The following PCDHGA2 variants were observed in gnomAD, a reference collection of about 807,000 sequenced individuals.
PCDHGA2 encodes protocadherin gamma-A2.
In PCDHGA2, 40 loss-of-function variants were observed where a neutral mutation model predicts 59.2. The observed-to-expected ratio is 0.68, with a 90% confidence interval of 0.52 to 0.88. The LOEUF is 0.88. Among genes scored for constraint, PCDHGA2 ranks in the 40% least tolerant of loss-of-function variants. The probability of loss-of-function intolerance (pLI) is 0.00; values close to 1 mark genes in which losing one functional copy is unlikely to be tolerated. For synonymous variants in PCDHGA2, 560 were observed against 526.0 expected (o/e 1.06, Z -0.89); for missense variants, 1,226 against 1,204.0 (o/e 1.02, Z -0.27).
rs1483845993 is a variant in PCDHGA2, at chr5:141,372,004, A to G, written c.2424+30609A>G. On this transcript the variant is annotated intron_variant, in intron 1 of 3. Transcript: ENST00000394576. ...GAGCTCACTCTGCAGGCCCGCGACC[A>G]GGGCTCGCCTACGCTCAGCGCCAAC... 5.0e-6 allele frequency: 8 copies of G among 1,613,122 alleles called. No homozygotes were observed. The highest frequency in any genetic ancestry group is 6.8e-6 in the Non-Finnish European group (8 of 1,179,734).
intron 1 of PCDHGA2, chr5:141,398,001 A>T: frequency 5.0e-6 from 7 of 1,388,802 alleles, no homozygotes; most frequent in African/African-American, 4.4e-5. Flanking sequence ...CCTCCTCGGA[A>T]AAAGAATCGT....
In PCDHGA2 at chr5:141,454,484, G is replaced by A. The variant is rs555881095; in HGVS notation, c.2425-40323G>A. On this transcript the variant is annotated intron_variant, in intron 1 of 3. Transcript: ENST00000394576. The stretch of plus-strand genomic sequence containing the variant: ...TGCAATGGCATGATCTCAGCTCACC[G>A]CAACCTCCACCTCCTGGATTCAGGC... Among the ~76,000 whole-genome samples, 7 of 152,218 alleles carry A rather than the reference G, an allele frequency of 4.6e-5. No individual in the cohort carries two copies. In the East Asian group the frequency reaches 7.7e-4, roughly 17 times the overall value.
In PCDHGA2 at chr5:141,477,176, G is replaced by C. The variant is rs766547728; in HGVS notation, c.2425-17631G>C. On this transcript the variant is annotated intron_variant, in intron 1 of 3. Coordinates refer to ENST00000394576, the MANE Select transcript of PCDHGA2 (RefSeq NM_018915.4). This position sits in a 1 kb window ranked among gnomAD's most constrained non-coding sequence, Gnocchi z 4.9. ...GAATGACAACGCCCCGGAGATCACAGTCACCTCCGTGTACAGCCCAGTACC... is the reference window on the plus strand; with the variant it reads ...GAATGACAACGCCCCGGAGATCACACTCACCTCCGTGTACAGCCCAGTACC... The C allele has an allele frequency of 1.2e-6, 2 of 1,614,206 alleles. No individual in the cohort carries two copies. The highest frequency in any genetic ancestry group is 3.3e-5 in the Admixed American group (2 of 60,024).
chr5:141,344,733 G>C, intron 1 of PCDHGA2: 1 of 1,613,978 alleles, frequency 6.2e-7, no homozygotes. Context: ...GATAGTCCTG[G>C]ATGCAAATGA....
intron 1 of PCDHGA2, chr5:141,344,814 C>T: frequency 6.2e-7 from 1 of 1,613,958 alleles, no homozygotes; most frequent in East Asian, 2.2e-5. Context: ...GGGTACCCGG[C>T]TGCTCACGGT....
At chr5:141,447,773 T>C (rs2098551408) in intron 1 of PCDHGA2, among the ~76,000 whole-genome samples, 1 of 152,202 alleles carries the variant, frequency 6.6e-6, no homozygotes, top group African/African-American at 2.4e-5. Context: ...AATTATACTT[T>C]AATTGAAAAT....
At chr5:141,395,508 A>G (rs1313015738) in intron 1 of PCDHGA2, 3 of 461,062 alleles carry the variant, frequency 6.5e-6, no homozygotes, top group Non-Finnish European at 1.1e-5. Flanking sequence ...CTTAAGAAGT[A>G]GCTACCCGTC....
intron 1 of PCDHGA2, among the ~76,000 whole-genome samples, chr5:141,380,738 A>G (rs1282676783): frequency 6.6e-6 from 1 of 152,220 alleles, no homozygotes; most frequent in Non-Finnish European, 1.5e-5. Context: ...CTTTTCTCCA[A>G]AGAAGGTACC....
At chr5:141,444,205 CTT>C in intron 1 of PCDHGA2, among the ~76,000 whole-genome samples, 1 of 77,932 alleles carries the variant, frequency 1.3e-5, no homozygotes. Context: ...GAGTTTCACT[CTT>C]GTTGCCCAGG....
Position 141,491,687 on chromosome 5 carries a change from G to A in PCDHGA2, c.2425-3120G>A. On this transcript the variant is annotated intron_variant, in intron 1 of 3. Transcript: ENST00000394576. This position sits in a 1 kb window ranked among gnomAD's most constrained non-coding sequence, Gnocchi z 6.9. Reference sequence around the variant, plus strand: ...ATCCGGTCCCGCTCTAATACGCTGCGGGAGCGGAGCCAGGTGAGGGGCTCG... The same window carrying A: ...ATCCGGTCCCGCTCTAATACGCTGCAGGAGCGGAGCCAGGTGAGGGGCTCG... The A allele has an allele frequency of 6.2e-7, 1 of 1,613,072 alleles. No homozygotes were observed. The highest frequency in any genetic ancestry group is 8.5e-7 in the Non-Finnish European group (1 of 1,179,608).
rs781580216 is a variant in PCDHGA2 at position 141,430,931 on chromosome 5, G to A, written c.2425-63876G>A. The stretch of plus-strand genomic sequence containing the variant: ...CAGGGACCTGGGGCTGGAGCCCCGG[G>A]AGCTCGCGGAGCGCGGAGTCCGCAT... On this transcript the variant is annotated intron_variant, in intron 1 of 3. Coordinates refer to ENST00000394576, the MANE Select transcript of PCDHGA2 (RefSeq NM_018915.4). The A allele has an allele frequency of 1.5e-5, 24 of 1,607,530 alleles. No individual in the cohort carries two copies. In the East Asian group the frequency reaches 4.9e-4, roughly 33 times the overall value.
In PCDHGA2 at chr5:141,487,493, C is replaced by T; in HGVS notation, c.2425-7314C>T. 6.2e-7 allele frequency: 1 copy of T among 1,614,168 alleles called. No individual in the cohort carries two copies. The highest frequency in any genetic ancestry group is 1.1e-5 in the South Asian group (1 of 91,088). On this transcript the variant is annotated intron_variant, in intron 1 of 3. Coordinates refer to ENST00000394576, the MANE Select transcript of PCDHGA2 (RefSeq NM_018915.4). The surrounding 1 kb of genome is among the most constrained non-coding windows in gnomAD (Gnocchi z 5.0). ...GGGAGGCCACTCTCATGGCTGTACA[C>T]CCTTGGCTTCTGCACCCACTCGGAG...
In PCDHGA2 at chr5:141,485,275, G is replaced by C. The variant is rs77402299; in HGVS notation, c.2425-9532G>C. ...ACGTTTGTGGGCAGATCCGCTACCC[G>C]GTCCCAGAGGAGTCACAGGAAGGGA... On this transcript the variant is annotated intron_variant, in intron 1 of 3. Transcript: ENST00000394576. The surrounding 1 kb of genome is among the most constrained non-coding windows in gnomAD (Gnocchi z 5.7). The C allele has an allele frequency of 2.5e-6, 4 of 1,614,072 alleles. No individual in the cohort carries two copies. Among genetic ancestry groups the C allele is most frequent in the Admixed American group, 1.7e-5 (1 of 60,024 alleles).
chr5:141,409,862 G>A (rs1359567076), intron 1 of PCDHGA2: 19 of 1,612,352 alleles, frequency 1.2e-5, no homozygotes, highest in Non-Finnish European at 1.5e-5. Flanking sequence ...GTTGGTGGGA[G>A]ACCGCAATGA....
At chr5:141,351,516 T>A in intron 1 of PCDHGA2, 1 of 1,613,972 alleles carries the variant, frequency 6.2e-7, no homozygotes, top group Middle Eastern at 1.6e-4. Context: ...GTCACAATCA[T>A]AGCCACCGAC....
chr5:141,460,834 A>G (rs757757290), intron 1 of PCDHGA2, among the ~76,000 whole-genome samples: 11 of 151,874 alleles, frequency 7.2e-5, no homozygotes, highest in Non-Finnish European at 1.3e-4. Context: ...CACTTAAAGT[A>G]ATGGCCTCCA....
At chr5:141,400,259 T>A (rs2150848027) in intron 1 of PCDHGA2, 2 of 1,614,016 alleles carry the variant, frequency 1.2e-6, no homozygotes, top group Non-Finnish European at 1.7e-6. Flanking sequence ...GCCTTGCGCC[T>A]GCGACGCTCC....
chr5:141,374,510 C>T (rs760895208), intron 1 of PCDHGA2: 2 of 1,611,824 alleles, frequency 1.2e-6, no homozygotes, highest in East Asian at 2.2e-5. Context: ...AGTGAAAATT[C>T]TCGAAAACGC....
At chr5:141,376,247 T>G in intron 1 of PCDHGA2, 1 of 1,614,192 alleles carries the variant, frequency 6.2e-7, no homozygotes, top group Non-Finnish European at 8.5e-7. Flanking sequence ...CTGGCACAAG[T>G]CACGCCTGCT....
Sources: gnomAD v4.1 joint callset for allele counts (sites outside exome capture counted in the v4.1 genomes callset) on GRCh38, gnomAD v4.1.1 for gene constraint, Gnocchi (gnomAD v3.1) non-coding constraint, MANE v1.5 for transcripts, NCBI Gene and HGNC (gene_info 2026-07-23, HGNC 2026-07-21) for gene names.